FSTL5: variants seen among roughly 807,000 people sequenced by gnomAD.
FSTL5 encodes the protein follistatin-related protein 5.
Under a neutral mutation model 89.1 loss-of-function variants are expected in FSTL5, and 62 were observed. The observed-to-expected ratio is 0.70, with a 90% CI of 0.57 to 0.86. The LOEUF is 0.86. FSTL5 is among the 40% of genes least tolerant of loss of function. The pLI is 0.00. For synonymous variants in FSTL5, 383 were observed against 346.2 expected, an observed-to-expected ratio of 1.11 and a Z score of -1.18; for missense variants, 1,057 against 1,001.6, an observed-to-expected ratio of 1.06 and a Z score of -0.75.
At chr4:161,534,722 C>T (rs566751775) in intron 10 of FSTL5, among the ~76,000 whole-genome samples, 3 of 152,090 alleles carry the variant, frequency 2.0e-5, no homozygotes, top group Non-Finnish European at 4.4e-5. Context: ...TTAGAAAAAT[C>T]TATCCTCAAA....
chr4:161,445,155 AG>A (rs1400068456), intron 15 of FSTL5, among the ~76,000 whole-genome samples: 51 of 152,018 alleles, frequency 3.4e-4, no homozygotes, highest in African/African-American at 1.1e-3. Context: ...AGGAAATTAT[AG>A]AGAAACGCTT....
At chr4:161,634,722 G>T (rs1391145560) in intron 7 of FSTL5, among the ~76,000 whole-genome samples, 2 of 152,116 alleles carry the variant, frequency 1.3e-5, no homozygotes, top group African/African-American at 4.8e-5. Context: ...TAGAATGGTG[G>T]TTGTCAGGAA....
At chr4:161,991,910 T>C (rs775993839) in intron 3 of FSTL5, among the ~76,000 whole-genome samples, 2 of 152,100 alleles carry the variant, frequency 1.3e-5, no homozygotes, top group Non-Finnish European at 2.9e-5. Context: ...AGAACGGATA[T>C]GAAGGATATA....
chr4:161,729,187 T>A (rs1739518620), intron 6 of FSTL5, among the ~76,000 whole-genome samples: 2 of 152,192 alleles, frequency 1.3e-5, no homozygotes, highest in African/African-American at 4.8e-5. Context: ...CCCCTACAAT[T>A]CAAGGTATCT....
chr4:162,053,190 C>T (rs1738437506), intron 2 of FSTL5, among the ~76,000 whole-genome samples: 2 of 151,670 alleles, frequency 1.3e-5, no homozygotes, highest in Admixed American at 1.3e-4. Context: ...GGAAACAACA[C>T]AGGAATGTAT....
chr4:161,713,022 G>A (rs1738852512), intron 6 of FSTL5, among the ~76,000 whole-genome samples: 1 of 152,190 alleles, frequency 6.6e-6, no homozygotes, highest in Admixed American at 6.6e-5. Context: ...CCAGTCTCAG[G>A]TATTCCTTTA....
intron 4 of FSTL5, among the ~76,000 whole-genome samples, chr4:161,908,235 A>G (rs1318188971): frequency 1.3e-5 from 2 of 152,052 alleles, no homozygotes; most frequent in African/African-American, 4.8e-5. Context: ...CCATCTTTAC[A>G]GAGAACCTTA....
chr4:161,859,408 A>G (rs1032444976), intron 4 of FSTL5, among the ~76,000 whole-genome samples: 7 of 152,066 alleles, frequency 4.6e-5, no homozygotes, highest in African/African-American at 1.7e-4. Flanking sequence ...ACTTCCAAAC[A>G]TTTCTTTCAG....
At chr4:161,880,713 G>T (rs1732600257) in intron 4 of FSTL5, among the ~76,000 whole-genome samples, 1 of 152,050 alleles carries the variant, frequency 6.6e-6, no homozygotes, top group Non-Finnish European at 1.5e-5. Flanking sequence ...ACTCAACAAT[G>T]CAAAGAAACA....
chr4:161,712,253 G>T (rs1008419991), intron 6 of FSTL5, among the ~76,000 whole-genome samples: 1 of 151,852 alleles, frequency 6.6e-6, no homozygotes, highest in Admixed American at 6.6e-5. Flanking sequence ...TCATATGGGT[G>T]AATTCAATTT....
intron 10 of FSTL5, among the ~76,000 whole-genome samples, chr4:161,512,074 A>G (rs1560931376): frequency 6.6e-6 from 1 of 152,134 alleles, no homozygotes; most frequent in East Asian, 1.9e-4. Context: ...TTAAAAAAAT[A>G]AAGCTGGAGA....
intron 15 of FSTL5, among the ~76,000 whole-genome samples, chr4:161,421,004 T>G (rs551505701): frequency 5.3e-5 from 8 of 152,080 alleles, no homozygotes; most frequent in Non-Finnish European, 1.0e-4. Flanking sequence ...TATACATTTC[T>G]ATTGTAAAGG....
intron 1 of FSTL5, among the ~76,000 whole-genome samples, chr4:162,130,416 T>A (rs1732254639): frequency 6.6e-6 from 1 of 152,194 alleles, no homozygotes; most frequent in African/African-American, 2.4e-5. Context: ...TAGAAAGGCG[T>A]AAGAACTAAA....
chr4:161,958,321 G>T (rs1435667499), intron 3 of FSTL5, among the ~76,000 whole-genome samples: 1 of 151,884 alleles, frequency 6.6e-6, no homozygotes, highest in Non-Finnish European at 1.5e-5. Flanking sequence ...TATGTTCATT[G>T]TAACTACTGA....
intron 10 of FSTL5, among the ~76,000 whole-genome samples, chr4:161,536,541 A>G (rs972552777): frequency 1.3e-5 from 2 of 152,158 alleles, no homozygotes; most frequent in African/African-American, 4.8e-5. Flanking sequence ...ACTTTTCCGT[A>G]GTTGCTAATA....
At chr4:161,638,869 A>G (rs1281062524) in intron 7 of FSTL5, among the ~76,000 whole-genome samples, 1 of 137,428 alleles carries the variant, frequency 7.3e-6, no homozygotes, top group Admixed American at 7.7e-5. Context: ...AATGTAATCC[A>G]GCATATAAAC....
At chr4:161,887,127 T>C (rs981752005) in intron 4 of FSTL5, among the ~76,000 whole-genome samples, 1 of 152,146 alleles carries the variant, frequency 6.6e-6, no homozygotes. Context: ...GGAAGACCAA[T>C]AGTATTTTAA....
intron 10 of FSTL5, among the ~76,000 whole-genome samples, chr4:161,517,979 T>G (rs1730897358): frequency 6.6e-6 from 1 of 152,228 alleles, no homozygotes; most frequent in Non-Finnish European, 1.5e-5. Context: ...TAGTTGAAAT[T>G]TCTTTGAATA....
chr4:161,448,744 C>T (rs1422898889), intron 15 of FSTL5, among the ~76,000 whole-genome samples: 1 of 152,084 alleles, frequency 6.6e-6, no homozygotes, highest in South Asian at 2.1e-4. Flanking sequence ...AAGATAAATC[C>T]TTAGCCCCTT....
Sources: gnomAD v4.1 joint callset for allele counts (sites outside exome capture counted in the v4.1 genomes callset) on GRCh38, gnomAD v4.1.1 for gene constraint, MANE v1.5 for transcripts, NCBI Gene and HGNC (gene_info 2026-07-23, HGNC 2026-07-21) for gene names.